TMC8: variants seen among roughly 807,000 people sequenced by gnomAD.
TMC8 encodes the protein transmembrane channel-like protein 8.
Under a neutral mutation model 76.0 loss-of-function variants are expected in TMC8, and 71 were observed. The observed-to-expected ratio is 0.93, with a 90% confidence interval of 0.77 to 1.14. TMC8 has a LOEUF of 1.14. Ranked by LOEUF, TMC8 falls within the 50% of genes most tolerant of loss-of-function variation. TMC8 has a pLI of 0.00. For synonymous variants in TMC8, 433 were observed against 433.8 expected (o/e 1.00, Z 0.02); for missense variants, 924 against 947.9 (o/e 0.97, Z 0.33).
chr17:78,134,942 C>A lies in TMC8; in HGVS notation c.1060C>A (p.Leu354Met). 1 of 1,614,198 alleles carries A rather than the reference C, an allele frequency of 6.2e-7. No homozygotes were observed. Among genetic ancestry groups the A allele is most frequent in the South Asian group, 1.1e-5 (1 of 91,084 alleles). Reference protein sequence around the residue: ...IALVNFLGPLLFTFLVQLENY... With the variant: ...IALVNFLGPLMFTFLVQLENY... ...CCTGGTCAACTTCCTGGGTCCCCTG[C>A]TGTTCACATTTCTGGTCCAGCTGGA... Residue 354 changes from leucine (L) to methionine (M), a missense_variant, in exon 9 of 16, where the codon CTG becomes ATG. Leu to Met is a conservative substitution (Grantham distance 15, BLOSUM62 2). Coordinates refer to ENST00000318430, the MANE Select transcript of TMC8 (RefSeq NM_152468.5).
rs890954638 is a variant in TMC8, at chr17:78,141,821, C to T, written c.*709C>T. 1 of 152,314 alleles carries T rather than the reference C, an allele frequency of 6.6e-6. No individual in the cohort carries two copies. Among genetic ancestry groups the T allele is most frequent in the Non-Finnish European group, 1.5e-5 (1 of 68,078 alleles). 9.4% of individuals were successfully genotyped at this position (152,314 alleles called of 1,614,324 possible). The stretch of plus-strand genomic sequence containing the variant: ...AATCCTCTCCGTCCAGTCTTCTAAC[C>T]TAGCAGCCTCACGTCCACAGAGCTG... On this transcript the variant is annotated 3_prime_UTR_variant, in exon 16 of 16. Coordinates refer to ENST00000318430, the MANE Select transcript of TMC8 (RefSeq NM_152468.5).
Position 78,131,380 on chromosome 17 carries a change from C to T in TMC8, c.-209C>T, listed in dbSNP as rs189345871. The T allele has an allele frequency of 1.2e-4, 82 of 663,632 alleles. 1 individual carries two copies. The African/African-American group carries it at 1.3e-3, about 11-fold the overall frequency. The allele number at this position is 663,632 out of a possible 1,614,324, so 41.1% of individuals were successfully genotyped here. ...AGGATTCTCTCTCATTTCTGAGCCC[C>T]GGAGGTGGCAGAGCGGCAGACCCGG... On this transcript the variant is annotated 5_prime_UTR_variant, in exon 2 of 16. Coordinates refer to ENST00000318430, the MANE Select transcript of TMC8 (RefSeq NM_152468.5).
chr17:78,135,477 C>G (rs1043580328), intron 9 of TMC8, among the ~76,000 whole-genome samples: 4 of 152,158 alleles, frequency 2.6e-5, no homozygotes, highest in African/African-American at 9.7e-5. Flanking sequence ...TCGTGCCTGC[C>G]AGGTGCAAGT....
rs779111855 is a variant in TMC8 at position 78,133,539 on chromosome 17, G to A, written c.665G>A (p.Arg222Gln). Residue 222 changes from arginine (R) to glutamine (Q), a missense_variant, in exon 6 of 16, where the codon CGG (arginine) becomes CAG (glutamine). By Grantham distance (43) the Arg-to-Gln change is conservative. Coordinates refer to ENST00000318430, the MANE Select transcript of TMC8 (RefSeq NM_152468.5). ...CLLLCFCGTLRRMVKGLPQKT... is the reference protein window; with the variant it reads ...CLLLCFCGTLQRMVKGLPQKT... ...CTCCTCTGCTTCTGTGGGACTCTGC[G>A]GCGGTGAGAGCGAGGTCCACACCTT... The A allele has an allele frequency of 2.2e-5, 36 of 1,611,692 alleles. No individual in the cohort carries two copies. Among genetic ancestry groups the A allele is most frequent in the African/African-American group, 5.3e-5 (4 of 74,908 alleles).
intron 7 of TMC8, 83 bp from the exon 8 acceptor site, chr17:78,134,311 C>A: frequency 6.7e-7 from 1 of 1,491,528 alleles, no homozygotes; most frequent in Non-Finnish European, 9.2e-7. Context: ...ATGGTTGTGA[C>A]TGTGTGTGAG....
chr17:78,142,087 AGCCTGTTC>A lies in TMC8; in HGVS notation c.*977_*984del, dbSNP rs2145748442. ...CCCAAGGCTGTGTCTGATATTCTTGAGCCTGTTCGAGTTTCCTTTTCCAAGCCTCCTGT... is the reference window on the plus strand; with the variant it reads ...CCCAAGGCTGTGTCTGATATTCTTGAGAGTTTCCTTTTCCAAGCCTCCTGT... On this transcript the variant is annotated 3_prime_UTR_variant, in exon 16 of 16. Transcript: ENST00000318430. 6.6e-6 allele frequency: 1 copy of A among 152,476 alleles called. No homozygotes were observed. Among genetic ancestry groups the A allele is most frequent in the East Asian group, 1.9e-4 (1 of 5,194 alleles). The allele number at this position is 152,476 out of a possible 1,614,324, so 9.4% of individuals were successfully genotyped here.
At position 78,139,163 on chromosome 17, in the gene TMC8, C is replaced by T; in HGVS notation, c.1825C>T (p.Leu609Phe). ...CCACGAATCCCCTTCCCACCCAAGC[C>T]TTGTCCTGACGGTGTGCGTCTCCCA... is the stretch of plus-strand genomic sequence containing the variant. ...FSFPLLIMLS[L>F]VLTVCVSQTQ... is the part of the protein sequence containing the mutation. Residue 609 changes from leucine (L) to phenylalanine (F), a missense_variant and splice_region_variant, in exon 15 of 16, where the codon CTT (leucine) becomes TTT (phenylalanine). Transcript: ENST00000318430. The T allele has an allele frequency of 6.2e-7, 1 of 1,613,702 alleles. No homozygotes were observed. Among genetic ancestry groups the T allele is most frequent in the Non-Finnish European group, 8.5e-7 (1 of 1,180,038 alleles).
rs1317809271 is a variant in TMC8, at chr17:78,140,956, C to T, written c.2025C>T (p.Cys675=). 3.1e-6 allele frequency: 5 copies of T among 1,593,262 alleles called. No individual in the cohort carries two copies. In the Admixed American group the frequency reaches 7.1e-5, roughly 23 times the overall value. Residue 675 remains cysteine (C), a synonymous_variant, in exon 16 of 16, where the codon TGC becomes TGT. Coordinates refer to ENST00000318430, the MANE Select transcript of TMC8 (RefSeq NM_152468.5). ...ASQASRPQSF[C]PGCPCPGSPG... is the part of the protein sequence containing the mutation. ...AAGCTTCGCGCCCGCAGTCCTTCTGCCCCGGATGCCCATGCCCTGGCTCCC... is the reference window on the plus strand; with the variant it reads ...AAGCTTCGCGCCCGCAGTCCTTCTGTCCCGGATGCCCATGCCCTGGCTCCC...
At chr17:78,138,530 A>G in intron 13 of TMC8, 44 bp from the exon 14 acceptor site, 1 of 1,613,246 alleles carries the variant, frequency 6.2e-7, no homozygotes. Flanking sequence ...GCAGTTTCTC[A>G]CCCAGGACCC....
In TMC8 at chr17:78,131,449, G is replaced by A. The variant is rs1031748324; in HGVS notation, c.-140G>A. On this transcript the variant is annotated 5_prime_UTR_variant, in exon 2 of 16. Transcript: ENST00000318430. ...TGCAGGAGCCCAGGCCCCGACGCCG[G>A]CGCAGAGGGGACGGAAGGGCCCGCC... 29 of 1,253,336 alleles carry A rather than the reference G, an allele frequency of 2.3e-5. No homozygotes were observed. Among genetic ancestry groups the A allele is most frequent in the Non-Finnish European group, 3.1e-5 (28 of 895,878 alleles). 77.6% of individuals were successfully genotyped at this position (1,253,336 alleles called of 1,614,324 possible).
At position 78,131,432 on chromosome 17, in the gene TMC8, C is replaced by G; in HGVS notation, c.-157C>G. ...CAAGTGAACCCTAGGGCTGCAGGAG[C>G]CCAGGCCCCGACGCCGGCGCAGAGG... On this transcript the variant is annotated 5_prime_UTR_variant, in exon 2 of 16. Transcript: ENST00000318430. 9.5e-7 allele frequency: 1 copy of G among 1,050,912 alleles called. No individual in the cohort carries two copies. The highest frequency in any genetic ancestry group is 1.4e-6 in the Non-Finnish European group (1 of 716,838). 65.1% of individuals were successfully genotyped at this position (1,050,912 alleles called of 1,614,324 possible). A position where few individuals can be genotyped will look rare whatever the true frequency, so the allele number is the denominator to read the frequency against.
chr17:78,131,487 T>G lies in TMC8; in HGVS notation c.-102T>G. The stretch of plus-strand genomic sequence containing the variant: ...GGAAGGGCCCGCCCCCAGCCCAGCG[T>G]GCACAGAGGCCATAGCCAAGGCCTT... On this transcript the variant is annotated 5_prime_UTR_variant, in exon 2 of 16. Coordinates refer to ENST00000318430, the MANE Select transcript of TMC8 (RefSeq NM_152468.5). 3 of 1,479,644 alleles carry G rather than the reference T, an allele frequency of 2.0e-6. No homozygotes were observed. The highest frequency in any genetic ancestry group is 2.7e-6 in the Non-Finnish European group (3 of 1,098,388). 91.7% of individuals were successfully genotyped at this position (1,479,644 alleles called of 1,614,324 possible). A position where few individuals can be genotyped will look rare whatever the true frequency, so the allele number is the denominator to read the frequency against.
In TMC8 at chr17:78,131,470, C is replaced by G. The variant is rs956359360; in HGVS notation, c.-119C>G. ...GCCGGCGCAGAGGGGACGGAAGGGC[C>G]CGCCCCCAGCCCAGCGTGCACAGAG... is the stretch of plus-strand genomic sequence containing the variant. On this transcript the variant is annotated 5_prime_UTR_variant, in exon 2 of 16. Transcript: ENST00000318430. 45 of 1,424,976 alleles carry G rather than the reference C, an allele frequency of 3.2e-5. No individual in the cohort carries two copies. The highest frequency in any genetic ancestry group is 3.9e-5 in the Non-Finnish European group (41 of 1,049,464). The allele number at this position is 1,424,976 out of a possible 1,614,324, so 88.3% of individuals were successfully genotyped here.
chr17:78,138,210 G>A (rs751470035), intron 12 of TMC8, 22 bp downstream of exon 12: 5 of 1,613,534 alleles, frequency 3.1e-6, no homozygotes, highest in Middle Eastern at 1.6e-4. Flanking sequence ...TGGCTGGGGG[G>A]TATGGGGTTC....
Position 78,132,390 on chromosome 17 carries a change from C to T in TMC8, c.330C>T (p.Phe110=). 2 of 1,613,110 alleles carry T rather than the reference C, an allele frequency of 1.2e-6. No homozygotes were observed. The highest frequency in any genetic ancestry group is 1.7e-6 in the Non-Finnish European group (2 of 1,179,782). The change falls in exon 4 of 16, where the codon TTC becomes TTT. Residue 110 remains phenylalanine (F), a synonymous_variant. Transcript: ENST00000318430. ...GLFGTGIRSY[F]TFLRFLLLLN... ...TCGGCACAGGAATTCGGTCCTACTT[C>T]ACCTTCCTCCGCTTCCTGCTGCTAC...
chr17:78,133,370 C>T, intron 5 of TMC8, 36 bp from the exon 6 acceptor site: 2 of 1,613,438 alleles, frequency 1.2e-6, no homozygotes, highest in African/African-American at 1.3e-5. Flanking sequence ...GAGCCTGGTG[C>T]TCACCCGGGC....
chr17:78,138,893 T>G, intron 14 of TMC8, 161 bp downstream of exon 14: 1 of 1,536,618 alleles, frequency 6.5e-7, no homozygotes, highest in Non-Finnish European at 8.7e-7. Flanking sequence ...GCCCACCCTC[T>G]GGGCTGCCAT....
intron 6 of TMC8, 56 bp from the exon 7 acceptor site, chr17:78,133,797 A>G: frequency 1.2e-6 from 2 of 1,610,488 alleles, no homozygotes. Context: ...GCCAAGGCTG[A>G]GGCTGGATGG....
rs143014388 is a variant in TMC8 at position 78,138,456 on chromosome 17, G to T, written c.1641G>T (p.Val547=). The T allele has an allele frequency of 8.2e-5, 133 of 1,613,192 alleles. No homozygotes were observed. The African/African-American group carries it at 1.6e-3, about 20-fold the overall frequency. Residue 547 remains valine, a synonymous_variant, in exon 13 of 16, where the codon GTG becomes GTT. Coordinates refer to ENST00000318430, the MANE Select transcript of TMC8 (RefSeq NM_152468.5). Reference sequence around the variant, plus strand: ...TCCTGGGCCTGCTTCTGGCTGCAGTGCCCCTGGGCTATGTGGTCAGCAGGT... The same window carrying T: ...TCCTGGGCCTGCTTCTGGCTGCAGTTCCCCTGGGCTATGTGGTCAGCAGGT... ...VLLLGLLLAA[V]PLGYVVSSIH...
Sources: allele counts gnomAD v4.1 joint callset (sites outside exome capture counted in the v4.1 genomes callset), GRCh38; gene constraint gnomAD v4.1.1; transcripts MANE v1.5; gene names NCBI Gene and HGNC (gene_info 2026-07-23, HGNC 2026-07-21).